MON2: variants seen among roughly 807,000 people sequenced by gnomAD.
MON2 encodes MON2 regulator of endosome-to-Golgi trafficking.
In MON2, 84 loss-of-function variants were observed where a neutral mutation model predicts 208.6. The observed-to-expected ratio is 0.40, with a 90% CI of 0.34 to 0.48. MON2 has a LOEUF of 0.48. Ranked by LOEUF, MON2 falls within the 20% of genes least tolerant of loss-of-function variation. The pLI is 0.59. For missense variants in MON2, 1,611 were observed against 2,015.4 expected, an observed-to-expected ratio of 0.80 and a Z score of 3.84; for synonymous variants, 660 against 694.0, an observed-to-expected ratio of 0.95 and a Z score of 0.77.
chr12:62,494,317 T>C (rs886384169), intron 3 of MON2, among the ~76,000 whole-genome samples: 12 of 152,208 alleles, frequency 7.9e-5, no homozygotes, highest in Non-Finnish European at 1.8e-4. Context: ...TAATTGGTTA[T>C]TTAATTTTTC....
chr12:62,548,765 A>G (rs1592365178), intron 22 of MON2, among the ~76,000 whole-genome samples: 1 of 152,330 alleles, frequency 6.6e-6, no homozygotes, highest in East Asian at 1.9e-4. Context: ...TCAGAGTATT[A>G]GCAATTATAC....
Position 62,467,193 on chromosome 12 carries a change from G to A in MON2, c.-15G>A. 6.2e-7 allele frequency: 1 copy of A among 1,608,944 alleles called. No individual in the cohort carries two copies. The highest frequency in any genetic ancestry group is 8.5e-7 in the Non-Finnish European group (1 of 1,178,928). ...GTTTGTACCTCTCGGAAATTGGCTG[G>A]GACCTTGGAGGATCATGTCCGGCAC... is the stretch of plus-strand genomic sequence containing the variant. On this transcript the variant is annotated 5_prime_UTR_variant, in exon 1 of 35. Coordinates refer to ENST00000393630, the MANE Select transcript of MON2 (RefSeq NM_015026.3).
intron 20 of MON2, 110 bp downstream of exon 20, chr12:62,543,308 TC>T (rs2073323354): frequency 7.7e-6 from 4 of 516,244 alleles, no homozygotes; most frequent in Middle Eastern, 5.0e-4. Flanking sequence ...TTTCCCCCTT[TC>T]CTGACTGTGT....
intron 24 of MON2, among the ~76,000 whole-genome samples, chr12:62,554,856 G>T (rs1050005652): frequency 6.6e-6 from 1 of 151,802 alleles, no homozygotes; most frequent in East Asian, 1.9e-4. Flanking sequence ...TTGTTTTGTC[G>T]TGATCTCTGC....
intron 34 of MON2, among the ~76,000 whole-genome samples, chr12:62,589,366 G>T (rs1192103308): frequency 6.6e-6 from 1 of 152,158 alleles, no homozygotes; most frequent in East Asian, 1.9e-4. Context: ...TAGATTCCTA[G>T]TAAATTACTA....
intron 11 of MON2, among the ~76,000 whole-genome samples, chr12:62,531,960 A>G (rs996183636): frequency 2.0e-5 from 3 of 151,870 alleles, no homozygotes; most frequent in Non-Finnish European, 2.9e-5. Context: ...TAGTAGAGAC[A>G]GGGTTTCACT....
At chr12:62,585,746 C>T (rs2075202614) in intron 33 of MON2, 2 of 297,508 alleles carry the variant, frequency 6.7e-6, no homozygotes, top group Non-Finnish European at 1.2e-5. Context: ...ACATAGGTAC[C>T]AAATTACCTT....
intron 1 of MON2, among the ~76,000 whole-genome samples, chr12:62,478,092 GAGTT>G (rs1393005046): frequency 6.6e-6 from 1 of 151,898 alleles, no homozygotes; most frequent in African/African-American, 2.4e-5. Context: ...CTTTTTAAGT[GAGTT>G]AGAATTGGCA....
chr12:62,498,839 A>T, intron 4 of MON2, 80 bp from the exon 5 acceptor site: 2 of 1,403,748 alleles, frequency 1.4e-6, no homozygotes, highest in Non-Finnish European at 9.5e-7. Context: ...GATTGAAACA[A>T]CCAAACATAA....
chr12:62,480,966 C>T lies in MON2; in HGVS notation c.112-3204C>T, dbSNP rs533751388. On this transcript the variant is annotated intron_variant, in intron 1 of 34. Transcript: ENST00000393630. ...AGTGACCACAGATTAATTTCCACTG[C>T]CTCAGTAAGAAATTGATCCAAGATA... Among the ~76,000 whole-genome samples the T allele has an allele frequency of 1.6e-4, 25 of 152,252 alleles. No homozygotes were observed. The South Asian group carries it at 5.2e-3, about 32-fold the overall frequency.
chr12:62,565,473 A>G (rs2074345674), intron 27 of MON2, 93 bp downstream of exon 27: 1 of 1,124,756 alleles, frequency 8.9e-7, no homozygotes, highest in Non-Finnish European at 1.2e-6. Context: ...TATCTCGGAA[A>G]AGGATACTTT....
intron 28 of MON2, 124 bp from the exon 29 acceptor site, chr12:62,566,198 G>T: frequency 7.4e-7 from 1 of 1,354,044 alleles, no homozygotes; most frequent in Non-Finnish European, 1.0e-6. Flanking sequence ...AACTTTGCAT[G>T]TAATATAATC....
Position 62,537,162 on chromosome 12 carries a change from C to G in MON2, c.1912C>G (p.Gln638Glu). The G allele has an allele frequency of 1.2e-6, 2 of 1,606,174 alleles. No homozygotes were observed. The highest frequency in any genetic ancestry group is 1.7e-6 in the Non-Finnish European group (2 of 1,175,192). Residue 638 changes from glutamine to glutamate, a missense_variant, in exon 15 of 35, where the codon CAG (glutamine) becomes GAG (glutamate). Transcript: ENST00000393630. Reference protein sequence around the residue: ...ATLSNKSYSVQGQSVMMISPS... With the variant: ...ATLSNKSYSVEGQSVMMISPS... ...CCTTTGTGTTCTAGCATATTCCGTTCAGGGCCAAAGTGTTATGATGATAAG... is the reference window on the plus strand; with the variant it reads ...CCTTTGTGTTCTAGCATATTCCGTTGAGGGCCAAAGTGTTATGATGATAAG...
At chr12:62,552,385 G>T (rs2073788497) in intron 23 of MON2, among the ~76,000 whole-genome samples, 2 of 152,024 alleles carry the variant, frequency 1.3e-5, no homozygotes, top group Non-Finnish European at 1.5e-5. Flanking sequence ...TATGTTCACA[G>T]TACTGGATTC....
At position 62,538,336 on chromosome 12, in the gene MON2, G is replaced by GT. The variant is rs758605482; in HGVS notation, c.2273+18dup. The GT allele has an allele frequency of 8.7e-6, 14 of 1,606,528 alleles. No homozygotes were observed. Among genetic ancestry groups the GT allele is most frequent in the East Asian group, 2.2e-5 (1 of 44,798 alleles). Reference sequence around the variant, plus strand: ...GTTTGAAAGCTCACAGTAAGAGTCAGTTTTTTTAATTGATAAAAACATTGT... The same window carrying GT: ...GTTTGAAAGCTCACAGTAAGAGTCAGTTTTTTTTAATTGATAAAAACATTGT... On this transcript the variant is annotated intron_variant, in intron 18 of 34. Coordinates refer to ENST00000393630, the MANE Select transcript of MON2 (RefSeq NM_015026.3).
At chr12:62,568,375 G>A (rs1243477466) in intron 29 of MON2, among the ~76,000 whole-genome samples, 1 of 152,066 alleles carries the variant, frequency 6.6e-6, no homozygotes, top group Non-Finnish European at 1.5e-5. Flanking sequence ...GTTTTATTCT[G>A]TCACCCAGGC....
intron 30 of MON2, among the ~76,000 whole-genome samples, chr12:62,576,008 T>C (rs181822833): frequency 8.4e-4 from 128 of 152,312 alleles, no homozygotes; most frequent in Admixed American, 2.0e-3. Context: ...ATAGCAGTGT[T>C]ATTCATAGTA....
intron 11 of MON2, among the ~76,000 whole-genome samples, chr12:62,529,893 G>A (rs1339491240): frequency 6.6e-6 from 1 of 152,038 alleles, no homozygotes; most frequent in African/African-American, 2.4e-5. Flanking sequence ...TATTTTCAGG[G>A]TAAATGTGAT....
chr12:62,539,512 C>T lies in MON2; in HGVS notation c.2364+1007C>T, dbSNP rs1381999637. Among the ~76,000 whole-genome samples, 3 of 151,684 alleles carry T rather than the reference C, an allele frequency of 2.0e-5. No homozygotes were observed. In the East Asian group the frequency reaches 5.9e-4, roughly 30 times the overall value. On this transcript the variant is annotated intron_variant, in intron 19 of 34. Coordinates refer to ENST00000393630, the MANE Select transcript of MON2 (RefSeq NM_015026.3). ...TCGATCTCCTGACCTTGTGATCCGC[C>T]CGCCTCAGCCTCCCAAAGTGCTGGG...
Sources: gnomAD v4.1 joint callset for allele counts (sites outside exome capture counted in the v4.1 genomes callset) on GRCh38, gnomAD v4.1.1 for gene constraint, MANE v1.5 for transcripts, NCBI Gene and HGNC (gene_info 2026-07-23, HGNC 2026-07-21) for gene names.